Variants in PLK5 observed in about 807,000 individuals in gnomAD.
The protein encoded by PLK5 is inactive serine/threonine-protein kinase PLK5.
PLK5 carries 28 observed loss-of-function variants against 33.7 expected under a neutral mutation model. The ratio of observed to expected loss-of-function variants is 0.83; its 90% CI spans 0.62 to 1.14. The LOEUF is 1.14. Among genes scored for constraint, PLK5 ranks in the 50% most tolerant of loss-of-function variants. The pLI is 0.00. For missense variants in PLK5, 492 were observed against 461.5 expected (o/e 1.07, Z -0.61); for synonymous variants, 225 against 202.2 (o/e 1.11, Z -0.96).
At chr19:1,534,807 A>G (rs1278845238) in intron 13 of PLK5, among the ~76,000 whole-genome samples, 1 of 131,678 alleles carries the variant, frequency 7.6e-6, no homozygotes, top group Non-Finnish European at 1.5e-5. Flanking sequence ...ACAGAGCAGG[A>G]CTCTGTTTAA....
Position 1,524,114 on chromosome 19 carries a change from G to T in PLK5, c.-676G>T, listed in dbSNP as rs567702382. The T allele has an allele frequency of 1.2e-4, 18 of 151,176 alleles. No individual in the cohort carries two copies. The highest frequency in any genetic ancestry group is 4.3e-4 in the African/African-American group (18 of 41,442). The allele number at this position is 151,176 out of a possible 1,614,324, so 9.4% of individuals were successfully genotyped here. ...GAGCGGCCGCAGCGCGGTGGTCTCG[G>T]CCCGGCTGCGCCAGAGTCCGCGCGA... On this transcript the variant is annotated 5_prime_UTR_variant, in exon 1 of 14. Transcript: ENST00000454744. This position sits in a 1 kb window ranked among gnomAD's most constrained non-coding sequence, Gnocchi z 4.5.
chr19:1,535,345 G>C lies in PLK5; in HGVS notation c.*95G>C. 2.2e-6 allele frequency: 3 copies of C among 1,347,194 alleles called. No individual in the cohort carries two copies. The highest frequency in any genetic ancestry group is 3.0e-6 in the Non-Finnish European group (3 of 1,008,304). 83.5% of individuals were successfully genotyped at this position (1,347,194 alleles called of 1,614,324 possible). A position where few individuals can be genotyped will look rare whatever the true frequency, so the allele number is the denominator to read the frequency against. On this transcript the variant is annotated 3_prime_UTR_variant, in exon 14 of 14. Coordinates refer to ENST00000454744, the MANE Select transcript of PLK5 (RefSeq NM_001243079.2). ...GGCTCCCCCAGAGGGGCTGTCCTGG[G>C]GGAGGGCTGGGGGGCACACGGGAGG...
chr19:1,527,540 T>C (rs1475610419), intron 6 of PLK5, among the ~76,000 whole-genome samples: 1 of 151,780 alleles, frequency 6.6e-6, no homozygotes, highest in East Asian at 1.9e-4. Context: ...AGGTGGAGAC[T>C]GCAGTGAGCT....
intron 3 of PLK5, among the ~76,000 whole-genome samples, chr19:1,526,052 G>A (rs1180941772): frequency 6.6e-6 from 1 of 152,084 alleles, no homozygotes; most frequent in African/African-American, 2.4e-5. Flanking sequence ...GCATGCCCCT[G>A]TGCCTACCTG....
In PLK5 at chr19:1,534,922, C is replaced by T. The variant is rs556793385; in HGVS notation, c.826-143C>T. The T allele has an allele frequency of 7.9e-6, 6 of 755,556 alleles. No individual in the cohort carries two copies. In the East Asian group the frequency reaches 1.8e-4, roughly 22 times the overall value. The allele number at this position is 755,556 out of a possible 1,614,324, so 46.8% of individuals were successfully genotyped here. On this transcript the variant is annotated intron_variant, in intron 13 of 13. Coordinates refer to ENST00000454744, the MANE Select transcript of PLK5 (RefSeq NM_001243079.2). ...CAGTGGAGCACTTGGCCTCCCGACCCCGAGTTCCTGTGGCTGGGGCAGGCA... is the reference window on the plus strand; with the variant it reads ...CAGTGGAGCACTTGGCCTCCCGACCTCGAGTTCCTGTGGCTGGGGCAGGCA...
intron 9 of PLK5, 88 bp downstream of exon 9, chr19:1,529,062 C>A: frequency 8.2e-7 from 1 of 1,214,642 alleles, no homozygotes; most frequent in Non-Finnish European, 1.1e-6. Context: ...GCCGGCTTCT[C>A]TGAACCCCTT....
At chr19:1,534,941 G>T in intron 13 of PLK5, 124 bp from the exon 14 acceptor site, 2 of 886,164 alleles carry the variant, frequency 2.3e-6, no homozygotes, top group Non-Finnish European at 3.3e-6. Context: ...TGTGGCTGGG[G>T]CAGGCACTAG....
At position 1,524,091 on chromosome 19, in the gene PLK5, G is replaced by A. The variant is rs1339064374; in HGVS notation, c.-699G>A. 1.3e-5 allele frequency: 2 copies of A among 151,230 alleles called. No homozygotes were observed. The highest frequency in any genetic ancestry group is 3.0e-5 in the Non-Finnish European group (2 of 67,684). 9.4% of individuals were successfully genotyped at this position (151,230 alleles called of 1,614,324 possible). A position where few individuals can be genotyped will look rare whatever the true frequency, so the allele number is the denominator to read the frequency against. ...CCTGCGCCCTCAGAGCGGCCCCGGA[G>A]CGGCCGCAGCGCGGTGGTCTCGGCC... is the stretch of plus-strand genomic sequence containing the variant. On this transcript the variant is annotated 5_prime_UTR_variant, in exon 1 of 14. Coordinates refer to ENST00000454744, the MANE Select transcript of PLK5 (RefSeq NM_001243079.2). The surrounding 1 kb of genome is among the most constrained non-coding windows in gnomAD (Gnocchi z 4.5).
intron 11 of PLK5, 53 bp downstream of exon 11, chr19:1,529,877 A>G (rs1399650610): frequency 1.3e-6 from 2 of 1,502,062 alleles, no homozygotes; most frequent in African/African-American, 2.8e-5. Context: ...AGCCAAGTAA[A>G]ATTGCCTTCA....
chr19:1,528,446 C>A lies in PLK5; in HGVS notation c.328+18C>A, dbSNP rs1369222581. On this transcript the variant is annotated intron_variant, in intron 8 of 13. Transcript: ENST00000454744. ...GCCACCCTGTAAGTACCACCCCCGC[C>A]CACACCTGCCCAACACCTGCCCACG... The A allele has an allele frequency of 6.6e-7, 1 of 1,523,708 alleles. No individual in the cohort carries two copies. Among genetic ancestry groups the A allele is most frequent in the Non-Finnish European group, 8.8e-7 (1 of 1,139,848 alleles). 94.4% of individuals were successfully genotyped at this position (1,523,708 alleles called of 1,614,324 possible).
chr19:1,528,878 A>T lies in PLK5; in HGVS notation c.329-20A>T. On this transcript the variant is annotated intron_variant, in intron 8 of 13. Transcript: ENST00000454744. The stretch of plus-strand genomic sequence containing the variant: ...TGGGGCCCAGGCTGTGCCCCCTCCA[A>T]GGCCTTGTGCCTCCCTCAGGCCCCT... 4 of 1,490,446 alleles carry T rather than the reference A, an allele frequency of 2.7e-6. No individual in the cohort carries two copies. Among genetic ancestry groups the T allele is most frequent in the Non-Finnish European group, 3.5e-6 (4 of 1,126,978 alleles). The allele number at this position is 1,490,446 out of a possible 1,614,324, so 92.3% of individuals were successfully genotyped here. A position where few individuals can be genotyped will look rare whatever the true frequency, so the allele number is the denominator to read the frequency against.
intron 12 of PLK5, among the ~76,000 whole-genome samples, chr19:1,532,981 T>A (rs1599307539): frequency 1.3e-5 from 2 of 151,632 alleles, no homozygotes; most frequent in East Asian, 2.0e-4. Flanking sequence ...TTTTTTTTTT[T>A]AAATTAGCCA....
chr19:1,528,143 C>T lies in PLK5; in HGVS notation c.201+9C>T, dbSNP rs1390063316. The T allele has an allele frequency of 1.5e-5, 18 of 1,236,516 alleles. 1 individual carries two copies. Among genetic ancestry groups the T allele is most frequent in the East Asian group, 5.0e-5 (1 of 19,822 alleles). The allele number at this position is 1,236,516 out of a possible 1,614,324, so 76.6% of individuals were successfully genotyped here. ...ACGACTTCTTCACACAGGTGGGCGGCGGTCCTCGGCGTGGGGTCCCTGGCG... is the reference window on the plus strand; with the variant it reads ...ACGACTTCTTCACACAGGTGGGCGGTGGTCCTCGGCGTGGGGTCCCTGGCG... On this transcript the variant is annotated intron_variant, in intron 7 of 13. Transcript: ENST00000454744.
At chr19:1,531,314 G>A (rs907308848) in intron 11 of PLK5, among the ~76,000 whole-genome samples, 1 of 151,752 alleles carries the variant, frequency 6.6e-6, no homozygotes, top group African/African-American at 2.4e-5. Flanking sequence ...GAGGCTGAGG[G>A]AGGAGAATCG....
Position 1,528,921 on chromosome 19 carries a change from T to C in PLK5, c.352T>C (p.Ser118Pro). ...PPCPFTPKEA[S>P]GPGEGGPDPD... is the part of the protein sequence containing the mutation. ...AGGCCCCTTCACGCCTAAAGAGGCC[T>C]CGGGTCCAGGAGAAGGTGGGCCAGA... Residue 118 changes from serine to proline, a missense_variant, in exon 9 of 14, where the codon TCG becomes CCG. By Grantham distance (74) the Ser-to-Pro change is moderately conservative. Transcript: ENST00000454744. The C allele has an allele frequency of 6.6e-7, 1 of 1,515,396 alleles. No individual in the cohort carries two copies. Among genetic ancestry groups the C allele is most frequent in the Non-Finnish European group, 8.8e-7 (1 of 1,137,242 alleles). 93.9% of individuals were successfully genotyped at this position (1,515,396 alleles called of 1,614,324 possible).
At chr19:1,532,660 T>C (rs1339401700) in intron 12 of PLK5, among the ~76,000 whole-genome samples, 1 of 151,900 alleles carries the variant, frequency 6.6e-6, no homozygotes, top group African/African-American at 2.4e-5. Context: ...GTAGCTGGGA[T>C]TACAGGTGCC....
intron 11 of PLK5, among the ~76,000 whole-genome samples, chr19:1,531,227 G>A (rs903742655): frequency 3.3e-5 from 5 of 151,728 alleles, no homozygotes; most frequent in African/African-American, 1.2e-4. Context: ...TGGCCAACAT[G>A]GTGAAACCCC....
rs1440742345 is a variant in PLK5 at position 1,528,444 on chromosome 19, G to A, written c.328+16G>A. 22 of 1,379,314 alleles carry A rather than the reference G, an allele frequency of 1.6e-5. No individual in the cohort carries two copies. Among genetic ancestry groups the A allele is most frequent in the African/African-American group, 5.1e-5 (3 of 58,302 alleles). The allele number at this position is 1,379,314 out of a possible 1,614,324, so 85.4% of individuals were successfully genotyped here. On this transcript the variant is annotated intron_variant, in intron 8 of 13. Coordinates refer to ENST00000454744, the MANE Select transcript of PLK5 (RefSeq NM_001243079.2). ...CGGCCACCCTGTAAGTACCACCCCC[G>A]CCCACACCTGCCCAACACCTGCCCA... is the stretch of plus-strand genomic sequence containing the variant.
At position 1,535,515 on chromosome 19, in the gene PLK5, T is replaced by C. The variant is rs537043519; in HGVS notation, c.*265T>C. ...TTTGAGGAGCTTTGGCAAAGAAACG[T>C]TGACCCCACGTGACGTTGCATCCTC... On this transcript the variant is annotated 3_prime_UTR_variant, in exon 14 of 14. Coordinates refer to ENST00000454744, the MANE Select transcript of PLK5 (RefSeq NM_001243079.2). The C allele has an allele frequency of 7.3e-5, 35 of 480,940 alleles. No individual in the cohort carries two copies. The highest frequency in any genetic ancestry group is 5.3e-4 in the African/African-American group (26 of 49,098). The allele number at this position is 480,940 out of a possible 1,614,324, so 29.8% of individuals were successfully genotyped here.
Sources: gnomAD v4.1 joint callset for allele counts (sites outside exome capture counted in the v4.1 genomes callset) on GRCh38, gnomAD v4.1.1 for gene constraint, Gnocchi (gnomAD v3.1) non-coding constraint, MANE v1.5 for transcripts, NCBI Gene and HGNC (gene_info 2026-07-23, HGNC 2026-07-21) for gene names.